RBMS3: variants seen among roughly 807,000 people sequenced by gnomAD.
RBMS3 encodes RNA-binding motif, single-stranded-interacting protein 3.
In RBMS3, 27 loss-of-function variants were observed where a neutral mutation model predicts 66.8. That is an observed-to-expected ratio of 0.40 (90% CI 0.30 to 0.56). The LOEUF (loss-of-function observed/expected upper bound fraction) is 0.56, where lower values mean the gene tolerates loss of function less well. RBMS3 is among the 20% of genes least tolerant of loss of function. RBMS3 has a pLI of 0.40. For missense variants in RBMS3, 513 were observed against 549.5 expected, an observed-to-expected ratio of 0.93 and a Z score of 0.66; for synonymous variants, 188 against 183.0, an observed-to-expected ratio of 1.03 and a Z score of -0.22.
intron 5 of RBMS3, among the ~76,000 whole-genome samples, chr3:29,747,089 G>A (rs1264516189): frequency 6.6e-6 from 1 of 152,206 alleles, no homozygotes; most frequent in East Asian, 1.9e-4. Flanking sequence ...TGGGGACATT[G>A]GAGGCAGCTA....
chr3:29,637,463 A>G (rs368694704), intron 4 of RBMS3, among the ~76,000 whole-genome samples: 2 of 151,808 alleles, frequency 1.3e-5, no homozygotes, highest in African/African-American at 4.8e-5. Context: ...CAGAACCCCA[A>G]ACTTTGCTAT....
At chr3:29,730,813 G>T (rs566140970) in intron 4 of RBMS3, 59 of 922,360 alleles carry the variant, frequency 6.4e-5, no homozygotes, top group Middle Eastern at 5.6e-4. Context: ...ATATATTTGT[G>T]ATATGGTAAT....
At chr3:29,884,375 A>T (rs17029827) in intron 8 of RBMS3, 167 bp downstream of exon 8, 1 of 535,024 alleles carries the variant, frequency 1.9e-6, no homozygotes, top group Non-Finnish European at 3.2e-6. Flanking sequence ...CCTATAAATT[A>T]TTCTGACCTC....
chr3:29,380,488 G>A (rs947853202), intron 1 of RBMS3, among the ~76,000 whole-genome samples: 1 of 152,138 alleles, frequency 6.6e-6, no homozygotes, highest in East Asian at 1.9e-4. Flanking sequence ...GCTTGGTATT[G>A]TTCTAATTGT....
At chr3:29,381,649 A>T (rs1030167010) in intron 1 of RBMS3, among the ~76,000 whole-genome samples, 1 of 152,148 alleles carries the variant, frequency 6.6e-6, no homozygotes, top group Non-Finnish European at 1.5e-5. Flanking sequence ...ATTATTCAGA[A>T]ATCTTTATCT....
At chr3:29,546,751 A>G (rs2045966160) in intron 3 of RBMS3, among the ~76,000 whole-genome samples, 1 of 152,048 alleles carries the variant, frequency 6.6e-6, no homozygotes, top group Non-Finnish European at 1.5e-5. Context: ...CACTCAAGAG[A>G]TGTTTGGTTT....
At chr3:29,699,575 G>A (rs2052450321) in intron 4 of RBMS3, among the ~76,000 whole-genome samples, 1 of 152,058 alleles carries the variant, frequency 6.6e-6, no homozygotes, top group African/African-American at 2.4e-5. Flanking sequence ...AACTCTAAAA[G>A]CGTAGGAAAT....
intron 6 of RBMS3, among the ~76,000 whole-genome samples, chr3:29,824,371 C>A (rs1559710138): frequency 6.6e-6 from 1 of 152,086 alleles, no homozygotes; most frequent in Non-Finnish European, 1.5e-5. Flanking sequence ...CTTGGACTTC[C>A]TAGCCTCAAT....
At chr3:29,891,208 G>T (rs1161689836) in intron 8 of RBMS3, among the ~76,000 whole-genome samples, 1 of 151,584 alleles carries the variant, frequency 6.6e-6, no homozygotes, top group African/African-American at 2.4e-5. Flanking sequence ...GGCCCCCGAA[G>T]TTAGCTTGAT....
At chr3:29,303,652 C>G (rs973955757) in intron 1 of RBMS3, among the ~76,000 whole-genome samples, 2 of 151,924 alleles carry the variant, frequency 1.3e-5, no homozygotes, top group Non-Finnish European at 2.9e-5. Flanking sequence ...AAATACATAT[C>G]AAAGCATCAA....
Position 29,511,037 on chromosome 3 carries a change from G to C in RBMS3, c.307+22538G>C, listed in dbSNP as rs140667690. ...ATTTTGGCCGGGCGTGGTGGCTCAC[G>C]CCTGTAATCCCAACACTTTGGGAGG... On this transcript the variant is annotated intron_variant, in intron 3 of 14. Transcript: ENST00000383767. Among the ~76,000 whole-genome samples, 17 of 152,304 alleles carry C rather than the reference G, an allele frequency of 1.1e-4. 1 individual carries two copies. In the South Asian group the frequency reaches 3.3e-3, roughly 30 times the overall value.
chr3:29,777,561 T>TAAACCTCA (rs960495373), intron 6 of RBMS3, among the ~76,000 whole-genome samples: 1 of 151,900 alleles, frequency 6.6e-6, no homozygotes, highest in Non-Finnish European at 1.5e-5. Flanking sequence ...TTAAAACACT[T>TAAACCTCA]AAACCTCAAA....
At chr3:29,904,223 A>G (rs979340882) in intron 10 of RBMS3, among the ~76,000 whole-genome samples, 2 of 152,010 alleles carry the variant, frequency 1.3e-5, no homozygotes, top group Non-Finnish European at 2.9e-5. Flanking sequence ...CTTATAATTC[A>G]AAAGAAGTGT....
At chr3:29,464,244 G>C (rs1353328684) in intron 2 of RBMS3, among the ~76,000 whole-genome samples, 3 of 152,210 alleles carry the variant, frequency 2.0e-5, no homozygotes, top group Non-Finnish European at 4.4e-5. Flanking sequence ...AAGACTGGGA[G>C]GTAGGAGGCA....
At chr3:29,583,751 G>T (rs2047412935) in intron 3 of RBMS3, among the ~76,000 whole-genome samples, 1 of 152,052 alleles carries the variant, frequency 6.6e-6, no homozygotes, top group South Asian at 2.1e-4. Flanking sequence ...TTTTCTGCTT[G>T]ATCTTTCCTA....
chr3:29,970,882 C>G (rs570018061), intron 12 of RBMS3, among the ~76,000 whole-genome samples: 264 of 152,266 alleles, frequency 1.7e-3, no homozygotes, highest in African/African-American at 6.2e-3. Context: ...GAATATAAAG[C>G]TACATCTCTG....
chr3:29,707,035 A>G (rs572459725), intron 4 of RBMS3, among the ~76,000 whole-genome samples: 14 of 152,258 alleles, frequency 9.2e-5, no homozygotes, highest in South Asian at 2.1e-4. Flanking sequence ...GTACTTTTCA[A>G]ATTCAAATGG....
intron 12 of RBMS3, among the ~76,000 whole-genome samples, chr3:29,957,298 A>T (rs1462987684): frequency 6.6e-6 from 1 of 152,106 alleles, no homozygotes; most frequent in Non-Finnish European, 1.5e-5. Flanking sequence ...TAATCCAGCA[A>T]CATCTGGCCC....
chr3:29,908,404 T>A (rs2060436200), intron 10 of RBMS3, among the ~76,000 whole-genome samples: 1 of 152,280 alleles, frequency 6.6e-6, no homozygotes, highest in Admixed American at 6.5e-5. Context: ...AGCATTATCT[T>A]TTGCTCCATG....
Sources: gnomAD v4.1 joint callset for allele counts (sites outside exome capture counted in the v4.1 genomes callset) on GRCh38, gnomAD v4.1.1 for gene constraint, MANE v1.5 for transcripts, NCBI Gene and HGNC (gene_info 2026-07-23, HGNC 2026-07-21) for gene names.